The following CDH18 variants were observed in gnomAD, a reference collection of about 807,000 sequenced individuals.
The protein encoded by CDH18 is cadherin-18.
A neutral mutation model predicts 67.9 loss-of-function variants in CDH18; 31 were observed. That is an observed-to-expected ratio of 0.46 (90% confidence interval 0.34 to 0.62). The LOEUF is 0.62. CDH18 is among the 20% of genes least tolerant of loss of function. CDH18 has a pLI of 0.01. For missense variants in CDH18, 890 were observed against 975.5 expected, an observed-to-expected ratio of 0.91 and a Z score of 1.17; for synonymous variants, 362 against 347.2, an observed-to-expected ratio of 1.04 and a Z score of -0.48.
chr5:19,518,849 C>G (rs968630486), intron 10 of CDH18, among the ~76,000 whole-genome samples: 1 of 152,126 alleles, frequency 6.6e-6, no homozygotes, highest in African/African-American at 2.4e-5. Flanking sequence ...TAATAAACTC[C>G]CTTTCATATA....
chr5:19,779,064 T>C (rs1388336219), intron 3 of CDH18, among the ~76,000 whole-genome samples: 1 of 152,162 alleles, frequency 6.6e-6, no homozygotes, highest in Non-Finnish European at 1.5e-5. Context: ...ATAAGTTTAA[T>C]AATATATGTG....
chr5:19,547,811 A>G (rs1041541179), intron 8 of CDH18, among the ~76,000 whole-genome samples: 1 of 152,198 alleles, frequency 6.6e-6, no homozygotes, highest in Non-Finnish European at 1.5e-5. Flanking sequence ...TTGGATCCAA[A>G]GAGTCTTATT....
intron 2 of CDH18, among the ~76,000 whole-genome samples, chr5:19,979,063 T>C (rs2150356331): frequency 6.6e-6 from 1 of 152,282 alleles, no homozygotes; most frequent in South Asian, 2.1e-4. Context: ...AGAGTGAGTT[T>C]CAGAAGCTAC....
At position 19,547,246 on chromosome 5, in the gene CDH18, T is replaced by C. The variant is rs894712572; in HGVS notation, c.1254-3241A>G. ...ACAGCATCCTTTAACATGTAGTCAG[T>C]AGGCTTTCTGGCTATTTTATTATCT... is the stretch of plus-strand genomic sequence containing the variant. On this transcript the variant is annotated intron_variant, in intron 8 of 12. Transcript: ENST00000382275. Among the ~76,000 whole-genome samples the C allele has an allele frequency of 3.3e-5, 5 of 152,330 alleles. No homozygotes were observed. In the East Asian group the frequency reaches 5.8e-4, roughly 18 times the overall value.
chr5:19,674,056 T>C (rs1759128992), intron 5 of CDH18, among the ~76,000 whole-genome samples: 1 of 152,124 alleles, frequency 6.6e-6, no homozygotes, highest in African/African-American at 2.4e-5. Context: ...TTTTTCTAGA[T>C]TACTACCTTC....
At chr5:20,261,541 C>A (rs897784866) in intron 1 of CDH18, among the ~76,000 whole-genome samples, 5 of 151,986 alleles carry the variant, frequency 3.3e-5, no homozygotes, top group Non-Finnish European at 5.9e-5. Flanking sequence ...GAGATCAGTA[C>A]CATCCTGGCT....
intron 2 of CDH18, among the ~76,000 whole-genome samples, chr5:20,201,988 C>T (rs1373955960): frequency 1.3e-5 from 2 of 152,128 alleles, no homozygotes; most frequent in African/African-American, 2.4e-5. Context: ...TCATTACAGG[C>T]ACTACCACAG....
intron 1 of CDH18, among the ~76,000 whole-genome samples, chr5:20,461,730 T>C (rs9292942): frequency 0.28 from 43,191 of 152,024 alleles, 6,400 homozygotes; most frequent in East Asian, 0.39. Flanking sequence ...CTGTTCTATG[T>C]ATACATTTAT....
intron 1 of CDH18, among the ~76,000 whole-genome samples, chr5:20,560,468 T>TACACAC (rs547246325): frequency 0.12 from 15,405 of 127,504 alleles, 1,078 homozygotes; most frequent in Non-Finnish European, 0.16. Context: ...CCAACACTCA[T>TACACAC]ACACACACAC....
intron 2 of CDH18, among the ~76,000 whole-genome samples, chr5:19,853,202 G>T (rs1259428341): frequency 1.3e-5 from 2 of 151,982 alleles, no homozygotes; most frequent in Non-Finnish European, 2.9e-5. Context: ...TTCTGATAAG[G>T]TCTCTCTTCC....
intron 5 of CDH18, among the ~76,000 whole-genome samples, chr5:19,690,016 A>G (rs1208841066): frequency 2.0e-5 from 3 of 151,524 alleles, no homozygotes; most frequent in Non-Finnish European, 4.4e-5. Context: ...AGAGAAAAAG[A>G]AGGTCATTAT....
At chr5:19,966,821 T>A (rs1217431661) in intron 2 of CDH18, among the ~76,000 whole-genome samples, 1 of 151,996 alleles carries the variant, frequency 6.6e-6, no homozygotes, top group Non-Finnish European at 1.5e-5. Context: ...TATTTTAAAG[T>A]CATTTCAGAG....
intron 2 of CDH18, among the ~76,000 whole-genome samples, chr5:19,942,038 C>A (rs991719077): frequency 6.6e-6 from 1 of 151,894 alleles, no homozygotes; most frequent in Non-Finnish European, 1.5e-5. Context: ...GTCCAGGTCA[C>A]AAAGAAGACA....
intron 2 of CDH18, among the ~76,000 whole-genome samples, chr5:19,933,821 T>A (rs1793959302): frequency 6.6e-6 from 1 of 151,404 alleles, no homozygotes; most frequent in Non-Finnish European, 1.5e-5. Context: ...AAAGGACCAT[T>A]TTCTAGGGTT....
At chr5:19,828,180 T>C (rs958352422) in intron 3 of CDH18, among the ~76,000 whole-genome samples, 7 of 152,034 alleles carry the variant, frequency 4.6e-5, no homozygotes, top group Non-Finnish European at 1.5e-5. Context: ...CAGGAAGAAA[T>C]TGAATCCCTG....
At position 19,970,747 on chromosome 5, in the gene CDH18, G is replaced by A. The variant is rs151126885; in HGVS notation, c.-257+10313C>T. Among the ~76,000 whole-genome samples the A allele has an allele frequency of 3.5e-4, 53 of 150,488 alleles. 1 individual carries two copies. The highest frequency in any genetic ancestry group is 1.0e-3 in the Admixed American group (15 of 15,074). On this transcript the variant is annotated intron_variant, in intron 2 of 12. Coordinates refer to ENST00000382275, the MANE Select transcript of CDH18 (RefSeq NM_004934.5). ...AATTATTCATACATTTATTTATACCGTAAAATAATATTTAATCTTTGAGAT... is the reference window on the plus strand; with the variant it reads ...AATTATTCATACATTTATTTATACCATAAAATAATATTTAATCTTTGAGAT...
chr5:20,277,886 T>A (rs948504897), intron 1 of CDH18, among the ~76,000 whole-genome samples: 1 of 152,170 alleles, frequency 6.6e-6, no homozygotes, highest in Non-Finnish European at 1.5e-5. Flanking sequence ...GAAGAATGTG[T>A]CAGTCTCTTA....
At chr5:20,473,450 T>A (rs1752226547) in intron 1 of CDH18, among the ~76,000 whole-genome samples, 1 of 152,242 alleles carries the variant, frequency 6.6e-6, no homozygotes, top group South Asian at 2.1e-4. Flanking sequence ...TTTATAACAT[T>A]ACATTGGAAG....
chr5:20,553,214 T>G (rs1296341903), intron 1 of CDH18, among the ~76,000 whole-genome samples: 1 of 152,228 alleles, frequency 6.6e-6, no homozygotes, highest in East Asian at 1.9e-4. Flanking sequence ...TACGGTGATT[T>G]GAAAATATTC....
Sources: allele counts gnomAD v4.1 joint callset (sites outside exome capture counted in the v4.1 genomes callset), GRCh38; gene constraint gnomAD v4.1.1; transcripts MANE v1.5; gene names NCBI Gene and HGNC (gene_info 2026-07-23, HGNC 2026-07-21).